Variants in NLRP5 observed in about 807,000 individuals in gnomAD.
NLRP5 encodes NLR family pyrin domain containing 5.
Under a neutral mutation model 113.1 loss-of-function variants are expected in NLRP5, and 93 were observed. The observed-to-expected ratio is 0.82, with a 90% CI of 0.70 to 0.98. The LOEUF (loss-of-function observed/expected upper bound fraction) is 0.98. NLRP5 is among the 50% of genes least tolerant of loss of function. The pLI is 0.00. For synonymous variants in NLRP5, 751 were observed against 600.7 expected (o/e 1.25, Z -3.66); for missense variants, 1,808 against 1,514.3 (o/e 1.19, Z -3.22).
chr19:56,017,059 G>A (rs1489598814), intron 4 of NLRP5, among the ~76,000 whole-genome samples: 1 of 151,888 alleles, frequency 6.6e-6, no homozygotes, highest in Non-Finnish European at 1.5e-5. Flanking sequence ...CGCCCGCCTC[G>A]GCCTCCCAAA....
At chr19:56,009,309 C>G (rs1982085899) in intron 3 of NLRP5, among the ~76,000 whole-genome samples, 1 of 126,662 alleles carries the variant, frequency 7.9e-6, no homozygotes, top group East Asian at 2.8e-4. Flanking sequence ...CACTGCACTC[C>G]AGCCTGGGCG....
At chr19:55,990,527 C>T in the NLRP5 span, among the ~76,000 whole-genome samples, 1 of 151,604 alleles carries the variant, frequency 6.6e-6, no homozygotes, top group Admixed American at 6.6e-5. Context: ...ACCCTGTCTA[C>T]TAAAAATACA....
chr19:56,054,625 G>A (rs1225745686), intron 13 of NLRP5, among the ~76,000 whole-genome samples: 1 of 150,626 alleles, frequency 6.6e-6, no homozygotes, highest in Non-Finnish European at 1.5e-5. Context: ...CCTTGAAAAC[G>A]TCGTGCTGAG....
intron 9 of NLRP5, among the ~76,000 whole-genome samples, chr19:56,033,918 TAAA>T (rs199903254): frequency 6.6e-6 from 1 of 152,048 alleles, no homozygotes; most frequent in Non-Finnish European, 1.5e-5. Flanking sequence ...TTATCACAAT[TAAA>T]AAAACTCAGT....
rs770993796 is a variant in NLRP5 at position 56,004,076 on chromosome 19, G to C, written c.423G>C (p.Lys141Asn). Residue 141 changes from lysine (K) to asparagine (N), a missense_variant, in exon 2 of 15, where the codon AAG (lysine) becomes AAC (asparagine). Lys to Asn is a moderately conservative substitution (Grantham distance 94). Coordinates refer to ENST00000390649, the MANE Select transcript of NLRP5 (RefSeq NM_153447.4). ...TGAACCTGCGAACCCTCTCGGAGAA[G>C]GCACGGGATGACATGAAAAGTAAGC... is the stretch of plus-strand genomic sequence containing the variant. 6.2e-7 allele frequency: 1 copy of C among 1,608,094 alleles called. No homozygotes were observed. The highest frequency in any genetic ancestry group is 8.5e-7 in the Non-Finnish European group (1 of 1,176,596).
chr19:56,050,089 G>A (rs942311285), intron 11 of NLRP5, among the ~76,000 whole-genome samples: 1 of 151,932 alleles, frequency 6.6e-6, no homozygotes, highest in Non-Finnish European at 1.5e-5. Flanking sequence ...AGACCATCCT[G>A]GTCAACATCG....
rs532715029 is a variant in NLRP5, at chr19:56,024,276, C to T, written c.680-2637C>T. Among the ~76,000 whole-genome samples, 98 of 146,252 alleles carry T rather than the reference C, an allele frequency of 6.7e-4. 1 individual carries two copies. Among genetic ancestry groups the T allele is most frequent in the Non-Finnish European group, 3.1e-4 (21 of 67,054 alleles). On this transcript the variant is annotated intron_variant, in intron 6 of 14. Coordinates refer to ENST00000390649, the MANE Select transcript of NLRP5 (RefSeq NM_153447.4). ...CGAGCACTTGGGAGGCTGAAGTGGG[C>T]GGATCACTTGAGGTCAGGAGTTCAA...
At chr19:55,998,118 A>G (rs1568477764), upstream of NLRP5, among the ~76,000 whole-genome samples, 2 of 152,206 alleles carry the variant, frequency 1.3e-5, no homozygotes, top group South Asian at 4.1e-4. Context: ...TGCCTCTTTT[A>G]ATGAAATTAA....
At chr19:55,991,191 C>A in the NLRP5 span, among the ~76,000 whole-genome samples, 2 of 152,070 alleles carry the variant, frequency 1.3e-5, no homozygotes, top group African/African-American at 2.4e-5. Context: ...TCGATTGAGA[C>A]CTTCTATTCC....
intron 3 of NLRP5, among the ~76,000 whole-genome samples, chr19:56,013,336 G>A (rs1314928015): frequency 6.6e-6 from 1 of 152,002 alleles, no homozygotes; most frequent in Non-Finnish European, 1.5e-5. Context: ...GGGACTACAG[G>A]TGCCTACCAC....
At chr19:56,060,067 G>A (rs1389396345) in intron 14 of NLRP5, among the ~76,000 whole-genome samples, 2 of 152,186 alleles carry the variant, frequency 1.3e-5, no homozygotes, top group African/African-American at 4.8e-5. Flanking sequence ...GTTTGGTCAG[G>A]ACTGTTACAG....
intron 9 of NLRP5, among the ~76,000 whole-genome samples, chr19:56,037,080 G>GT (rs1363962702): frequency 2.0e-5 from 3 of 152,168 alleles, no homozygotes; most frequent in South Asian, 2.1e-4. Context: ...TGGTAGTGCT[G>GT]TTGTCCTCAT....
intron 12 of NLRP5, among the ~76,000 whole-genome samples, chr19:56,051,570 AC>A (rs5828669): frequency 0.56 from 84,867 of 151,626 alleles, 23,795 homozygotes; most frequent in Middle Eastern, 0.65. Flanking sequence ...TAGTCTCACC[AC>A]CCCCCCATCA....
intron 10 of NLRP5, among the ~76,000 whole-genome samples, chr19:56,039,943 C>T (rs1162992413): frequency 1.3e-5 from 2 of 151,828 alleles, no homozygotes; most frequent in East Asian, 1.9e-4. Flanking sequence ...TAGTTTATGC[C>T]TAAGGGTCAT....
intron 3 of NLRP5, among the ~76,000 whole-genome samples, chr19:56,015,173 G>C (rs1004167995): frequency 1.3e-5 from 2 of 152,032 alleles, no homozygotes; most frequent in Non-Finnish European, 2.9e-5. Flanking sequence ...ATTATAAGTG[G>C]AGTGTTTGTT....
intron 11 of NLRP5, among the ~76,000 whole-genome samples, chr19:56,045,705 G>A (rs547655715): frequency 6.6e-6 from 1 of 152,244 alleles, no homozygotes; most frequent in South Asian, 2.1e-4. Context: ...ATCGGTTAGG[G>A]ATAAGCAGTG....
chr19:56,055,681 G>T (rs1486423118), intron 13 of NLRP5, among the ~76,000 whole-genome samples: 8 of 150,134 alleles, frequency 5.3e-5, no homozygotes, highest in Admixed American at 6.7e-5. Flanking sequence ...AAGTAGCTGG[G>T]ACTACAGGTG....
At chr19:55,989,985 A>C in the NLRP5 span, among the ~76,000 whole-genome samples, 3 of 152,236 alleles carry the variant, frequency 2.0e-5, no homozygotes, top group Middle Eastern at 3.4e-3. Flanking sequence ...TCACATGTCA[A>C]ACGTAGTACA....
At chr19:55,998,710 G>GTGTGTATATATATATA (rs1555762448), upstream of NLRP5, among the ~76,000 whole-genome samples, 18 of 67,832 alleles carry the variant, frequency 2.7e-4, no homozygotes, top group African/African-American at 9.1e-4. Context: ...ATATGTGTGT[G>GTGTGTATATATATATA]TGTGTATATA....
Sources: allele counts gnomAD v4.1 joint callset (sites outside exome capture counted in the v4.1 genomes callset), GRCh38; gene constraint gnomAD v4.1.1; transcripts MANE v1.5; gene names NCBI Gene and HGNC (gene_info 2026-07-23, HGNC 2026-07-21).